The following PLS1 variants were observed in gnomAD, a reference collection of about 807,000 sequenced individuals.
PLS1 encodes the protein plastin-1.
PLS1 carries 32 observed loss-of-function variants against 73.7 expected under a neutral mutation model. The ratio of observed to expected loss-of-function variants is 0.43; its 90% CI spans 0.33 to 0.58. The LOEUF is 0.58. Ranked by LOEUF, PLS1 falls within the 20% of genes least tolerant of loss-of-function variation. The pLI is 0.04. For missense variants in PLS1, 633 were observed against 740.5 expected, an observed-to-expected ratio of 0.85 and a Z score of 1.68; for synonymous variants, 217 against 261.3, an observed-to-expected ratio of 0.83 and a Z score of 1.63.
intron 12 of PLS1, among the ~76,000 whole-genome samples, chr3:142,702,142 G>A (rs1699479844): frequency 6.6e-6 from 1 of 152,166 alleles, no homozygotes; most frequent in Non-Finnish European, 1.5e-5. Context: ...ATACAGCCTT[G>A]AACTCCTGCC....
At chr3:142,638,618 G>T (rs1181348060) in intron 1 of PLS1, among the ~76,000 whole-genome samples, 2 of 152,202 alleles carry the variant, frequency 1.3e-5, no homozygotes, top group African/African-American at 2.4e-5. Flanking sequence ...GGAATGTAAT[G>T]ATGTACTAGC....
At chr3:142,672,988 T>A (rs1050061296) in intron 4 of PLS1, among the ~76,000 whole-genome samples, 24 of 152,250 alleles carry the variant, frequency 1.6e-4, no homozygotes, top group Admixed American at 1.0e-3. Flanking sequence ...ATTTGCCTAT[T>A]CTGGAAGTTT....
intron 1 of PLS1, among the ~76,000 whole-genome samples, chr3:142,614,660 C>G (rs2108551919): frequency 6.6e-6 from 1 of 152,266 alleles, no homozygotes; most frequent in African/African-American, 2.4e-5. Flanking sequence ...CCCATGGGTG[C>G]CATTTTGTCC....
At chr3:142,634,553 G>A (rs980077083) in intron 1 of PLS1, among the ~76,000 whole-genome samples, 1 of 152,084 alleles carries the variant, frequency 6.6e-6, no homozygotes, top group Non-Finnish European at 1.5e-5. Flanking sequence ...AGTTTTGCCC[G>A]CGATGGTGTA....
In PLS1 at chr3:142,709,598, C is replaced by T. The variant is rs189846035; in HGVS notation, c.1630-1903C>T. On this transcript the variant is annotated intron_variant, in intron 14 of 15. Coordinates refer to ENST00000457734, the MANE Select transcript of PLS1 (RefSeq NM_001145319.2). ...GTGGGAGGCCGAGGCGGGTGGATCACGAGGTCAGGAGATCACAACCATCCT... is the reference window on the plus strand; with the variant it reads ...GTGGGAGGCCGAGGCGGGTGGATCATGAGGTCAGGAGATCACAACCATCCT... Among the ~76,000 whole-genome samples, 756 of 152,192 alleles carry T rather than the reference C, an allele frequency of 5.0e-3. 9 individuals carry two copies. Among genetic ancestry groups the T allele is most frequent in the African/African-American group, 0.016 (675 of 41,532 alleles).
At chr3:142,658,579 T>C (rs1376737933) in intron 1 of PLS1, among the ~76,000 whole-genome samples, 1 of 152,212 alleles carries the variant, frequency 6.6e-6, no homozygotes, top group African/African-American at 2.4e-5. Flanking sequence ...TGTTGTGTTA[T>C]TCTCATGTAT....
chr3:142,663,205 ACT>A (rs1237582580), intron 1 of PLS1, among the ~76,000 whole-genome samples: 1 of 151,940 alleles, frequency 6.6e-6, no homozygotes, highest in Non-Finnish European at 1.5e-5. Flanking sequence ...AAGAAGTGAG[ACT>A]CTGTCGCAGA....
intron 14 of PLS1, among the ~76,000 whole-genome samples, 164 bp downstream of exon 14, chr3:142,704,750 A>G (rs755216106): frequency 6.5e-5 from 9 of 139,196 alleles, no homozygotes; most frequent in Non-Finnish European, 1.4e-4. Context: ...CCAGGTTCAC[A>G]CCATTCTCCT....
Position 142,669,549 on chromosome 3 carries a change from T to C in PLS1, c.230T>C (p.Val77Ala), listed in dbSNP as rs750001516. 1 of 1,610,188 alleles carries C rather than the reference T, an allele frequency of 6.2e-7. No homozygotes were observed. The highest frequency in any genetic ancestry group is 8.5e-7 in the Non-Finnish European group (1 of 1,177,172). Reference protein sequence around the residue: ...KDGKISFEEFVSLMQELKSKD... With the variant: ...KDGKISFEEFASLMQELKSKD... ...GGCAAAATCAGTTTTGAAGAGTTTG[T>C]GTCAGTAAGTAATCTAATCCTTTCG... is the stretch of plus-strand genomic sequence containing the variant. Residue 77 changes from valine to alanine, a missense_variant, in exon 3 of 16, where the codon GTG (valine) becomes GCG (alanine). By Grantham distance (64) the Val-to-Ala change is moderately conservative. Coordinates refer to ENST00000457734, the MANE Select transcript of PLS1 (RefSeq NM_001145319.2).
intron 1 of PLS1, among the ~76,000 whole-genome samples, chr3:142,632,018 G>T (rs1274245167): frequency 6.6e-6 from 1 of 152,118 alleles, no homozygotes; most frequent in African/African-American, 2.4e-5. Flanking sequence ...CTGTAATTCA[G>T]TAACTAAAAA....
Position 142,711,612 on chromosome 3 carries a change from C to T in PLS1, c.1741C>T (p.Leu581=). The part of the protein sequence containing the change: ...RRENLSDEDK[L]NNAKYAISVA... ...AGAAAACTTATCTGATGAGGACAAG[C>T]TGAACAATGCTAAGTAAGCCTTTAT... The change falls in exon 15 of 16, where the codon CTG becomes TTG. Residue 581 remains leucine, a synonymous_variant. Transcript: ENST00000457734. 1 of 1,606,300 alleles carries T rather than the reference C, an allele frequency of 6.2e-7. No individual in the cohort carries two copies. The highest frequency in any genetic ancestry group is 8.5e-7 in the Non-Finnish European group (1 of 1,174,300).
intron 12 of PLS1, among the ~76,000 whole-genome samples, chr3:142,703,622 A>G (rs941152101): frequency 6.6e-6 from 1 of 152,154 alleles, no homozygotes; most frequent in African/African-American, 2.4e-5. Flanking sequence ...TTAGAGTAGG[A>G]AGGGATCTTA....
At chr3:142,699,079 C>T (rs1209605887) in intron 12 of PLS1, among the ~76,000 whole-genome samples, 1 of 152,100 alleles carries the variant, frequency 6.6e-6, no homozygotes, top group Non-Finnish European at 1.5e-5. Context: ...GGGAGGGGAA[C>T]ATCACATACC....
chr3:142,611,594 C>T (rs371556487), intron 1 of PLS1, among the ~76,000 whole-genome samples: 4 of 152,204 alleles, frequency 2.6e-5, no homozygotes, highest in East Asian at 1.9e-4. Context: ...TGTACTGCAA[C>T]CTTGGCAACA....
chr3:142,684,195 T>C (rs756105355), intron 7 of PLS1, 24 bp downstream of exon 7: 1 of 1,613,808 alleles, frequency 6.2e-7, no homozygotes, highest in African/African-American at 1.3e-5. Context: ...AAATATTTGC[T>C]GTTCATTGAC....
chr3:142,614,116 G>T (rs191006518), intron 1 of PLS1, among the ~76,000 whole-genome samples: 1 of 152,230 alleles, frequency 6.6e-6, no homozygotes, highest in East Asian at 1.9e-4. Flanking sequence ...CTCACCCTCT[G>T]TGAGTCAGGC....
chr3:142,655,926 T>G (rs1449500963), intron 1 of PLS1, among the ~76,000 whole-genome samples: 1 of 152,138 alleles, frequency 6.6e-6, no homozygotes, highest in Non-Finnish European at 1.5e-5. Flanking sequence ...GCCCAGGATT[T>G]GGCAAATCCA....
intron 1 of PLS1, among the ~76,000 whole-genome samples, chr3:142,660,653 C>T (rs985014172): frequency 2.6e-5 from 4 of 152,128 alleles, no homozygotes; most frequent in African/African-American, 4.8e-5. Context: ...GTCAAATCAT[C>T]GTAAGTTAGG....
intron 1 of PLS1, among the ~76,000 whole-genome samples, chr3:142,600,917 T>A (rs2035913007): frequency 1.7e-4 from 2 of 11,870 alleles, no homozygotes; most frequent in Non-Finnish European, 2.6e-4. Context: ...TATATATATA[T>A]TTTTTTTTTT....
Sources: gnomAD v4.1 joint callset for allele counts (sites outside exome capture counted in the v4.1 genomes callset) on GRCh38, gnomAD v4.1.1 for gene constraint, MANE v1.5 for transcripts, NCBI Gene and HGNC (gene_info 2026-07-23, HGNC 2026-07-21) for gene names.